Variants in PCSK5 observed in about 807,000 individuals in gnomAD.
The protein encoded by PCSK5 is prohormone convertase 5.
In PCSK5, 129 loss-of-function variants were observed where a neutral mutation model predicts 233.2. The observed-to-expected ratio is 0.55, with a 90% CI of 0.48 to 0.64. The LOEUF is 0.64. PCSK5 is among the 30% of genes least tolerant of loss of function. PCSK5 has a pLI of 0.00. For synonymous variants in PCSK5, 825 were observed against 879.2 expected (o/e 0.94, Z 1.09); for missense variants, 2,076 against 2,430.1 (o/e 0.85, Z 3.06).
chr9:76,100,429 G>C (rs1038046369), intron 8 of PCSK5, among the ~76,000 whole-genome samples: 1 of 152,202 alleles, frequency 6.6e-6, no homozygotes, highest in East Asian at 1.9e-4. Flanking sequence ...ACATCTCATT[G>C]TATTCTTGGG....
intron 20 of PCSK5, among the ~76,000 whole-genome samples, chr9:76,224,051 C>T (rs770930228): frequency 1.4e-4 from 22 of 152,076 alleles, no homozygotes; most frequent in Non-Finnish European, 3.1e-4. Context: ...GGCATGCAGA[C>T]TTGAGAGACA....
chr9:75,959,554 C>T (rs1222527498), intron 2 of PCSK5, among the ~76,000 whole-genome samples: 2 of 152,198 alleles, frequency 1.3e-5, no homozygotes, highest in East Asian at 3.9e-4. Flanking sequence ...CGATGATCCC[C>T]CCTGCTCCCT....
chr9:76,329,710 G>C (rs375450753), intron 33 of PCSK5, among the ~76,000 whole-genome samples: 1 of 152,068 alleles, frequency 6.6e-6, no homozygotes, highest in Non-Finnish European at 1.5e-5. Context: ...GTGGGCACCT[G>C]TAGTCCCAGC....
At chr9:76,045,643 G>A (rs987177061) in intron 5 of PCSK5, among the ~76,000 whole-genome samples, 3 of 152,210 alleles carry the variant, frequency 2.0e-5, no homozygotes, top group Non-Finnish European at 4.4e-5. Context: ...GTCCAACAAT[G>A]TCTCTTGACT....
At chr9:76,281,924 C>T (rs961741995) in intron 24 of PCSK5, among the ~76,000 whole-genome samples, 1 of 152,152 alleles carries the variant, frequency 6.6e-6, no homozygotes, top group African/African-American at 2.4e-5. Context: ...GCTGGTATTA[C>T]AGGCTTGTGC....
intron 12 of PCSK5, among the ~76,000 whole-genome samples, chr9:76,166,423 A>G (rs1172590976): frequency 2.0e-5 from 3 of 152,164 alleles, no homozygotes; most frequent in Non-Finnish European, 4.4e-5. Context: ...GTGATTTGAA[A>G]GTGATTGGTA....
chr9:75,905,321 C>A (rs1209276205), intron 1 of PCSK5, among the ~76,000 whole-genome samples: 1 of 151,634 alleles, frequency 6.6e-6, no homozygotes, highest in Non-Finnish European at 1.5e-5. Flanking sequence ...CCAGCCTGGG[C>A]AATAAAGTGA....
At chr9:76,152,107 C>A (rs1443413834) in intron 10 of PCSK5, among the ~76,000 whole-genome samples, 5 of 152,254 alleles carry the variant, frequency 3.3e-5, no homozygotes, top group East Asian at 1.9e-4. Context: ...GTGCAGGATG[C>A]CTGACTGCCC....
At chr9:75,921,293 G>A (rs544860631) in intron 1 of PCSK5, among the ~76,000 whole-genome samples, 1 of 152,250 alleles carries the variant, frequency 6.6e-6, no homozygotes, top group Admixed American at 6.5e-5. Flanking sequence ...GGGGTCAGGG[G>A]ATTGGTCCTT....
At chr9:76,340,410 C>T (rs1829794977) in intron 35 of PCSK5, among the ~76,000 whole-genome samples, 1 of 152,094 alleles carries the variant, frequency 6.6e-6, no homozygotes, top group African/African-American at 2.4e-5. Context: ...CTTTGGGAGG[C>T]TGAGGTGGGC....
At chr9:76,071,647 C>G in intron 6 of PCSK5, 79 bp from the exon 7 acceptor site, 7 of 1,212,762 alleles carry the variant, frequency 5.8e-6, no homozygotes, top group Non-Finnish European at 8.1e-6. Flanking sequence ...TTCTTCCCCC[C>G]GAGAATCCTG....
At chr9:76,271,381 A>G (rs1827506547) in intron 24 of PCSK5, among the ~76,000 whole-genome samples, 1 of 152,218 alleles carries the variant, frequency 6.6e-6, no homozygotes, top group South Asian at 2.1e-4. Context: ...ACCAATTCAC[A>G]CATGATAAAG....
intron 30 of PCSK5, among the ~76,000 whole-genome samples, chr9:76,312,678 G>A (rs1391208348): frequency 6.6e-6 from 1 of 152,062 alleles, no homozygotes; most frequent in Non-Finnish European, 1.5e-5. Flanking sequence ...AGTGTAGAAA[G>A]CCAAGCATAT....
chr9:75,966,855 TC>T (rs1825607943), intron 2 of PCSK5, among the ~76,000 whole-genome samples: 1 of 152,208 alleles, frequency 6.6e-6, no homozygotes, highest in South Asian at 2.1e-4. Context: ...GTTTTGTCCA[TC>T]CTATTTCTAC....
At chr9:76,046,352 A>G (rs1587546164) in intron 5 of PCSK5, among the ~76,000 whole-genome samples, 1 of 148,482 alleles carries the variant, frequency 6.7e-6, no homozygotes, top group African/African-American at 2.5e-5. Context: ...TAATTTTTGT[A>G]TTTTTAGTGG....
chr9:76,007,794 TTTTGTGTGTGTGTG>T (rs1563969158), intron 3 of PCSK5, among the ~76,000 whole-genome samples: 2 of 63,928 alleles, frequency 3.1e-5, no homozygotes, highest in African/African-American at 1.2e-4. Context: ...GCCCGGCTAA[TTTTGTGTGTGTGTG>T]TGTGTGTGTG....
intron 35 of PCSK5, among the ~76,000 whole-genome samples, chr9:76,341,788 A>G (rs1199304857): frequency 6.6e-6 from 1 of 152,212 alleles, no homozygotes; most frequent in Non-Finnish European, 1.5e-5. Context: ...ATGTTCCAGT[A>G]TTCCTGGAAG....
chr9:76,328,335 T>C (rs1829431556), intron 33 of PCSK5, 96 bp downstream of exon 33: 2 of 869,922 alleles, frequency 2.3e-6, no homozygotes, highest in Non-Finnish European at 3.7e-6. Context: ...TTCTTTCTTT[T>C]TGATTTTTTG....
At position 76,064,843 on chromosome 9, in the gene PCSK5, T is replaced by A. The variant is rs1470956348; in HGVS notation, c.633-3112T>A. Among the ~76,000 whole-genome samples, 5 of 152,278 alleles carry A rather than the reference T, an allele frequency of 3.3e-5. No homozygotes were observed. The East Asian group carries it at 7.8e-4, about 24-fold the overall frequency. ...CCGGGCAGAGACGCTCCTCACTTCC[T>A]AGATGTGATCTCTTTTTTATTTTTG... On this transcript the variant is annotated intron_variant, in intron 5 of 37. Transcript: ENST00000674117.
Sources: allele counts gnomAD v4.1 joint callset (sites outside exome capture counted in the v4.1 genomes callset), GRCh38; gene constraint gnomAD v4.1.1; transcripts MANE v1.5; gene names NCBI Gene and HGNC (gene_info 2026-07-23, HGNC 2026-07-21).